Variants in GRK5 observed in about 807,000 individuals in gnomAD.
GRK5 encodes the protein g protein-coupled receptor kinase GRK5.
A neutral mutation model predicts 78.4 loss-of-function variants in GRK5; 40 were observed. The ratio of observed to expected loss-of-function variants is 0.51; its 90% CI spans 0.40 to 0.66. GRK5 has a LOEUF of 0.66. Among genes scored for constraint, GRK5 ranks in the 30% least tolerant of loss-of-function variants. GRK5 has a pLI of 0.00. For missense variants in GRK5, 598 were observed against 759.9 expected (o/e 0.79, Z 2.50); for synonymous variants, 289 against 296.8 (o/e 0.97, Z 0.27).
chr10:119,345,993 C>T (rs1371847551), intron 2 of GRK5, among the ~76,000 whole-genome samples: 2 of 152,120 alleles, frequency 1.3e-5, no homozygotes, highest in Non-Finnish European at 2.9e-5. Flanking sequence ...ACCACCCACC[C>T]CCTCCCCCAA....
At chr10:119,292,882 G>A (rs148438858) in intron 1 of GRK5, among the ~76,000 whole-genome samples, 1 of 151,580 alleles carries the variant, frequency 6.6e-6, no homozygotes, top group Non-Finnish European at 1.5e-5. Flanking sequence ...TTCAATCCAT[G>A]GTTGATTAAA....
In GRK5 at chr10:119,417,392, G is replaced by A. The variant is rs554517155; in HGVS notation, c.340-5774G>A. 3.3e-5 allele frequency among the ~76,000 whole-genome samples: 5 copies of A among 152,320 alleles called. No homozygotes were observed. The East Asian group carries it at 5.8e-4, about 18-fold the overall frequency. The stretch of plus-strand genomic sequence containing the variant: ...TAAGCACAGATGGCGCCTGTGAAGC[G>A]GCAGTTGACCTGGGAGGGGTGCGGC... On this transcript the variant is annotated intron_variant, in intron 4 of 15. Transcript: ENST00000392870.
intron 1 of GRK5, among the ~76,000 whole-genome samples, chr10:119,297,149 G>T (rs1850095865): frequency 1.3e-5 from 2 of 152,220 alleles, no homozygotes; most frequent in Admixed American, 1.3e-4. Flanking sequence ...AGTTGTATGG[G>T]CCCAGACCCT....
chr10:119,449,318 C>T (rs1275838453), intron 13 of GRK5, among the ~76,000 whole-genome samples: 2 of 152,198 alleles, frequency 1.3e-5, no homozygotes, highest in African/African-American at 2.4e-5. Context: ...GGGGACCGTC[C>T]TTGGAACTCT....
Position 119,379,548 on chromosome 10 carries a change from C to T in GRK5, c.149-1267C>T, listed in dbSNP as rs1851678805. The stretch of plus-strand genomic sequence containing the variant: ...GGGGGATGGTGTCTTAGCTCCTCTA[C>T]ACCAGGTAGACTATAGTCATCCCTT... On this transcript the variant is annotated intron_variant, in intron 2 of 15. Transcript: ENST00000392870. The surrounding 1 kb of genome is among the most constrained non-coding windows in gnomAD (Gnocchi z 4.1). Among the ~76,000 whole-genome samples, 1 of 152,024 alleles carries T rather than the reference C, an allele frequency of 6.6e-6. No homozygotes were observed. The highest frequency in any genetic ancestry group is 1.5e-5 in the Non-Finnish European group (1 of 68,016).
chr10:119,251,532 AG>A (rs1849201727), intron 1 of GRK5, among the ~76,000 whole-genome samples: 1 of 152,262 alleles, frequency 6.6e-6, no homozygotes, highest in African/African-American at 2.4e-5. Flanking sequence ...GAAGAAGCCC[AG>A]GCTTCCATTC....
chr10:119,210,178 C>T (rs534439711), intron 1 of GRK5, among the ~76,000 whole-genome samples: 1 of 152,084 alleles, frequency 6.6e-6, no homozygotes, highest in South Asian at 2.1e-4. Flanking sequence ...TTCAATTTTG[C>T]TGTGAGAGTT....
chr10:119,444,980 C>G (rs1289219833), intron 12 of GRK5, among the ~76,000 whole-genome samples: 1 of 152,214 alleles, frequency 6.6e-6, no homozygotes, highest in East Asian at 1.9e-4. Flanking sequence ...CCAGAGGCCC[C>G]TCTCCTGCAG....
chr10:119,420,354 A>G (rs911009702), intron 4 of GRK5, among the ~76,000 whole-genome samples: 3 of 104,956 alleles, frequency 2.9e-5, no homozygotes, highest in Admixed American at 9.6e-5. Flanking sequence ...ACAAACAAAC[A>G]AAAAAAAAAA....
intron 1 of GRK5, among the ~76,000 whole-genome samples, chr10:119,236,474 A>C (rs902733904): frequency 2.0e-5 from 3 of 152,154 alleles, no homozygotes; most frequent in Admixed American, 1.3e-4. Flanking sequence ...TTGGCCTCCC[A>C]AAGTGCTGGG....
At chr10:119,429,147 C>T (rs1022381483) in intron 6 of GRK5, among the ~76,000 whole-genome samples, 31 of 152,172 alleles carry the variant, frequency 2.0e-4, no homozygotes, top group African/African-American at 7.5e-4. Context: ...GGGGTTTGGG[C>T]CCTGTGTCCT....
At chr10:119,365,614 G>T (rs1196418731) in intron 2 of GRK5, among the ~76,000 whole-genome samples, 2 of 152,208 alleles carry the variant, frequency 1.3e-5, no homozygotes, top group African/African-American at 4.8e-5. Flanking sequence ...GCTTAGAGCA[G>T]CTAGGCAGGA....
At chr10:119,451,334 ACT>A (rs891140287) in intron 13 of GRK5, among the ~76,000 whole-genome samples, 5 of 151,960 alleles carry the variant, frequency 3.3e-5, no homozygotes, top group Non-Finnish European at 7.4e-5. Context: ...GTGCCAGGTA[ACT>A]TTCTGTTCCA....
Position 119,253,840 on chromosome 10 carries a change from C to A in GRK5, c.52+45871C>A, listed in dbSNP as rs1849239340. 3.1e-5 allele frequency among the ~76,000 whole-genome samples: 3 copies of A among 96,266 alleles called. No homozygotes were observed. In the Middle Eastern group the frequency reaches 0.012, roughly 398 times the overall value. The allele number at this position is 96,266 out of a possible 152,430, so 63.2% of individuals were successfully genotyped here. ...TGTTTGGGTTCCTGGTGGTTCTTTG[C>A]CCCAGGGGTGTGTGTGTGTGTGTGT... On this transcript the variant is annotated intron_variant, in intron 1 of 15. Coordinates refer to ENST00000392870, the MANE Select transcript of GRK5 (RefSeq NM_005308.3). This position sits in a 1 kb window ranked among gnomAD's most constrained non-coding sequence, Gnocchi z 5.7.
chr10:119,431,499 T>A lies in GRK5; in HGVS notation c.710T>A (p.Ile237Asn). 3 of 1,613,842 alleles carry A rather than the reference T, an allele frequency of 1.9e-6. No individual in the cohort carries two copies. The highest frequency in any genetic ancestry group is 2.5e-6 in the Non-Finnish European group (3 of 1,179,860). ...TCCATGGCCCTCAATGAGAAGCAGA[T>A]CCTCGAGAAGGTCAACAGTCAGTTT... is the stretch of plus-strand genomic sequence containing the variant. The part of the protein sequence containing the change: ...GESMALNEKQ[I>N]LEKVNSQFVV... Residue 237 changes from isoleucine (I) to asparagine (N), a missense_variant, in exon 8 of 16, where the codon ATC becomes AAC. By Grantham distance (149) the Ile-to-Asn change is moderately radical. Coordinates refer to ENST00000392870, the MANE Select transcript of GRK5 (RefSeq NM_005308.3). The surrounding 1 kb of genome is among the most constrained non-coding windows in gnomAD (Gnocchi z 4.8).
At chr10:119,209,705 A>G (rs4752263) in intron 1 of GRK5, among the ~76,000 whole-genome samples, 72,298 of 151,096 alleles carry the variant, frequency 0.48, 19,016 homozygotes, top group South Asian at 0.59. Context: ...GGGGGCTGGG[A>G]AAGTTTTCAC....
At chr10:119,349,237 G>A (rs922429301) in intron 2 of GRK5, among the ~76,000 whole-genome samples, 3 of 152,170 alleles carry the variant, frequency 2.0e-5, no homozygotes, top group Non-Finnish European at 2.9e-5. Context: ...ATTTGCAGTC[G>A]GTCAAGCCTG....
chr10:119,212,875 GCCTGTGGTCCCAGCT>G, intron 1 of GRK5: 1 of 152,402 alleles, frequency 6.6e-6, no homozygotes, highest in South Asian at 2.1e-4. Flanking sequence ...CGGTGGCACA[GCCTGTGGTCCCAGCT>G]ACTCTGGAGG....
chr10:119,411,142 C>A (rs1380754818), intron 4 of GRK5, among the ~76,000 whole-genome samples: 2 of 152,040 alleles, frequency 1.3e-5, no homozygotes, highest in African/African-American at 2.4e-5. Flanking sequence ...AGCTCCCATG[C>A]CTTGAAGTCT....
Sources: gnomAD v4.1 joint callset for allele counts (sites outside exome capture counted in the v4.1 genomes callset) on GRCh38, gnomAD v4.1.1 for gene constraint, Gnocchi (gnomAD v3.1) non-coding constraint, MANE v1.5 for transcripts, NCBI Gene and HGNC (gene_info 2026-07-23, HGNC 2026-07-21) for gene names.